The following DPP3 variants were observed in gnomAD, a reference collection of about 807,000 sequenced individuals.
The protein encoded by DPP3 is DPP III.
Under a neutral mutation model 89.8 loss-of-function variants are expected in DPP3, and 64 were observed. The observed-to-expected ratio is 0.71, with a 90% CI of 0.58 to 0.88. The LOEUF (loss-of-function observed/expected upper bound fraction) is 0.88, where lower values mean the gene tolerates loss of function less well. DPP3 is among the 40% of genes least tolerant of loss of function. DPP3 has a pLI of 0.00. For synonymous variants in DPP3, 377 were observed against 404.3 expected (o/e 0.93, Z 0.81); for missense variants, 835 against 972.5 (o/e 0.86, Z 1.88).
intron 9 of DPP3, 89 bp from the exon 10 acceptor site, chr11:66,492,627 C>T: frequency 7.1e-7 from 1 of 1,404,086 alleles, no homozygotes; most frequent in South Asian, 1.4e-5. Context: ...ATACAGTAGG[C>T]ATTCAGTACA....
chr11:66,486,405 G>T (rs543805102), intron 3 of DPP3, 135 bp from the exon 4 acceptor site: 689 of 1,120,726 alleles, frequency 6.1e-4, no homozygotes, highest in Non-Finnish European at 7.2e-4. Flanking sequence ...GGACCTACAA[G>T]TGCTGCTGGT....
chr11:66,492,287 C>T (rs987104444), intron 9 of DPP3: 1 of 183,972 alleles, frequency 5.4e-6, no homozygotes, highest in Non-Finnish European at 1.1e-5. Context: ...CCGCGGCCCC[C>T]ACCCCCTTCC....
chr11:66,491,127 A>C, intron 6 of DPP3, 126 bp from the exon 7 acceptor site: 1 of 1,423,610 alleles, frequency 7.0e-7, no homozygotes, highest in Non-Finnish European at 9.6e-7. Flanking sequence ...ACAGGGAGCC[A>C]TTGAAAATCT....
At chr11:66,497,697 C>T (rs1855575253) in intron 16 of DPP3, among the ~76,000 whole-genome samples, 1 of 152,086 alleles carries the variant, frequency 6.6e-6, no homozygotes, top group African/African-American at 2.4e-5. Context: ...TCGAGACTAG[C>T]CTGGGCAACA....
intron 6 of DPP3, among the ~76,000 whole-genome samples, chr11:66,489,717 A>G (rs953142509): frequency 2.0e-5 from 3 of 152,230 alleles, no homozygotes; most frequent in Non-Finnish European, 2.9e-5. Flanking sequence ...CTGGGTGACC[A>G]TGTCTGGGGC....
intron 10 of DPP3, 64 bp downstream of exon 10, chr11:66,492,974 C>CCA (rs1278797794): frequency 5.6e-6 from 9 of 1,599,384 alleles, no homozygotes; most frequent in Non-Finnish European, 7.7e-6. Context: ...CCCTCCCTGT[C>CCA]CACACACACA....
chr11:66,491,611 C>T lies in DPP3; in HGVS notation c.916C>T (p.Pro306Ser). 6.2e-7 allele frequency: 1 copy of T among 1,613,490 alleles called. No homozygotes were observed. The highest frequency in any genetic ancestry group is 8.5e-7 in the Non-Finnish European group (1 of 1,179,528). The change falls in exon 8 of 18, where the codon CCC becomes TCC. Residue 306 changes from proline to serine, a missense_variant. Physicochemically the swap from Pro to Ser is moderately conservative, Grantham distance 74. Coordinates refer to ENST00000531863, the MANE Select transcript of DPP3 (RefSeq NM_130443.4). ...CCGCTTCTGGATCCAGGACAAAGGC[C>T]CCATCGTGGAGAGGTGAGGCGCCAG... ...GSRFWIQDKG[P>S]IVESYIGFIE...
chr11:66,502,927 A>G (rs1014266724), intron 16 of DPP3, among the ~76,000 whole-genome samples: 1 of 151,356 alleles, frequency 6.6e-6, no homozygotes, highest in African/African-American at 2.4e-5. Context: ...TCTTTACGGT[A>G]TACATACTGT....
Position 66,482,156 on chromosome 11 carries a change from G to A in DPP3, c.-8-37G>A, listed in dbSNP as rs562747542. ...AGAGCCAGGTATGCAATTGGTATGGGGTAAACAACAGCTGTGATGACAGTG... is the reference window on the plus strand; with the variant it reads ...AGAGCCAGGTATGCAATTGGTATGGAGTAAACAACAGCTGTGATGACAGTG... On this transcript the variant is annotated intron_variant, in intron 1 of 17. Coordinates refer to ENST00000531863, the MANE Select transcript of DPP3 (RefSeq NM_130443.4). The A allele has an allele frequency of 6.2e-6, 10 of 1,608,276 alleles. No individual in the cohort carries two copies. The South Asian group carries it at 8.8e-5, about 14-fold the overall frequency.
At position 66,509,539 on chromosome 11, in the gene DPP3, C is replaced by G; in HGVS notation, c.*288C>G. Reference sequence around the variant, plus strand: ...AGGAAATGGCAGTTCTGAGAAGTCACTGGTCTAGATCCCGCAGGTGGCACG... The same window carrying G: ...AGGAAATGGCAGTTCTGAGAAGTCAGTGGTCTAGATCCCGCAGGTGGCACG... On this transcript the variant is annotated 3_prime_UTR_variant, in exon 18 of 18. Coordinates refer to ENST00000531863, the MANE Select transcript of DPP3 (RefSeq NM_130443.4). The G allele has an allele frequency of 1.0e-6, 1 of 966,562 alleles. No homozygotes were observed. The highest frequency in any genetic ancestry group is 1.6e-6 in the Non-Finnish European group (1 of 627,904). 59.9% of individuals were successfully genotyped at this position (966,562 alleles called of 1,614,324 possible). A position where few individuals can be genotyped will look rare whatever the true frequency, so the allele number is the denominator to read the frequency against.
intron 4 of DPP3, 23 bp downstream of exon 4, chr11:66,486,700 G>A: frequency 6.7e-7 from 1 of 1,485,084 alleles, no homozygotes; most frequent in South Asian, 1.4e-5. Context: ...ACTCCCCCGA[G>A]GGGACAGGGA....
At chr11:66,487,651 C>T (rs1855268344) in intron 5 of DPP3, among the ~76,000 whole-genome samples, 1 of 152,134 alleles carries the variant, frequency 6.6e-6, no homozygotes, top group African/African-American at 2.4e-5. Context: ...TCCAGTAGCC[C>T]TGGGTTCGCA....
In DPP3 at chr11:66,509,495, C is replaced by T. The variant is rs1237711332; in HGVS notation, c.*244C>T. On this transcript the variant is annotated 3_prime_UTR_variant, in exon 18 of 18. Transcript: ENST00000531863. ...CGTGGAGTGAGCAAGACAGGGCTTACCATCCTGTCTACCAGATGAGGAAAT... is the reference window on the plus strand; with the variant it reads ...CGTGGAGTGAGCAAGACAGGGCTTATCATCCTGTCTACCAGATGAGGAAAT... The T allele has an allele frequency of 7.7e-7, 1 of 1,294,930 alleles. No homozygotes were observed. The highest frequency in any genetic ancestry group is 1.3e-5 in the South Asian group (1 of 78,540). 80.2% of individuals were successfully genotyped at this position (1,294,930 alleles called of 1,614,324 possible).
intron 16 of DPP3, among the ~76,000 whole-genome samples, chr11:66,501,295 G>A (rs1247917459): frequency 4.6e-5 from 7 of 151,948 alleles, no homozygotes; most frequent in Non-Finnish European, 8.8e-5. Context: ...GGGAGGTGGG[G>A]ATTGCAGTGA....
At chr11:66,483,192 A>ACTTTTTTTGT (rs1855136397) in intron 2 of DPP3, 1 of 151,902 alleles carries the variant, frequency 6.6e-6, no homozygotes, top group African/African-American at 2.4e-5. Flanking sequence ...ACACCGGGCT[A>ACTTTTTTTGT]ATTTTTGTAT....
intron 17 of DPP3, among the ~76,000 whole-genome samples, chr11:66,506,442 A>G (rs1053921185): frequency 8.7e-5 from 13 of 149,698 alleles, no homozygotes; most frequent in African/African-American, 3.2e-4. Context: ...TTTAGTAGAG[A>G]CAGGGTTTTG....
At chr11:66,489,106 C>T (rs1406461345) in intron 6 of DPP3, among the ~76,000 whole-genome samples, 1 of 152,198 alleles carries the variant, frequency 6.6e-6, no homozygotes, top group Non-Finnish European at 1.5e-5. Flanking sequence ...CTCAGGTGAT[C>T]CGCGTGCCTC....
At chr11:66,481,112 G>A (rs898937600) in intron 1 of DPP3, 1 of 152,208 alleles carries the variant, frequency 6.6e-6, no homozygotes, top group South Asian at 2.1e-4. Flanking sequence ...TAGGAGTCTG[G>A]GGCCGAGTCC....
rs1239466113 is a variant in DPP3 at position 66,509,077 on chromosome 11, A to G, written c.2042-2A>G. 1 of 1,613,750 alleles carries G rather than the reference A, an allele frequency of 6.2e-7. No individual in the cohort carries two copies. The highest frequency in any genetic ancestry group is 1.1e-5 in the South Asian group (1 of 91,080). On this transcript the variant is annotated splice_acceptor_variant, in intron 17 of 17. Coordinates refer to ENST00000531863, the MANE Select transcript of DPP3 (RefSeq NM_130443.4). LOFTEE classifies it high-confidence loss of function. ...GCTGTTTTCTCTCCATCTCCTCCCC[A>G]GGCTCAGACGTGCAGCTTCTGGAAT... is the stretch of plus-strand genomic sequence containing the variant.
Sources: allele counts gnomAD v4.1 joint callset (sites outside exome capture counted in the v4.1 genomes callset), GRCh38; gene constraint gnomAD v4.1.1; transcripts MANE v1.5; gene names NCBI Gene and HGNC (gene_info 2026-07-23, HGNC 2026-07-21).